The following QTMAN variants were observed in gnomAD, a reference collection of about 807,000 sequenced individuals.
QTMAN encodes tRNA-queuosine alpha-mannosyltransferase.
chr2:144,059,711 T>TC, the QTMAN span, among the ~76,000 whole-genome samples: 1 of 152,074 alleles, frequency 6.6e-6, no homozygotes, highest in Non-Finnish European at 1.5e-5. Flanking sequence ...GACAAGGCCA[T>TC]CCCCACCTTA....
At chr2:144,296,866 C>T in the QTMAN span, among the ~76,000 whole-genome samples, 1 of 151,956 alleles carries the variant, frequency 6.6e-6, no homozygotes, top group Admixed American at 6.6e-5. Context: ...AATGACAAAC[C>T]AAGAAAAAGA....
At chr2:144,140,498 A>C in the QTMAN span, among the ~76,000 whole-genome samples, 1 of 152,046 alleles carries the variant, frequency 6.6e-6, no homozygotes, top group Non-Finnish European at 1.5e-5. Context: ...AATCACAGGC[A>C]AAGTATAACT....
the QTMAN span, among the ~76,000 whole-genome samples, chr2:144,017,823 T>C: frequency 5.3e-5 from 8 of 152,352 alleles, no homozygotes; most frequent in African/African-American, 1.9e-4. Flanking sequence ...CAAGACTCCA[T>C]TGGCCCTTTC....
chr2:144,112,677 G>A, the QTMAN span, among the ~76,000 whole-genome samples: 5 of 152,194 alleles, frequency 3.3e-5, no homozygotes, highest in African/African-American at 9.6e-5. Context: ...CAGCTTTGCC[G>A]TGCTGTATCA....
the QTMAN span, among the ~76,000 whole-genome samples, chr2:144,064,513 C>T: frequency 1.3e-5 from 2 of 152,164 alleles, no homozygotes; most frequent in African/African-American, 4.8e-5. Flanking sequence ...CTCTGCCTGC[C>T]GTTTCTCTTC....
the QTMAN span, among the ~76,000 whole-genome samples, chr2:144,316,008 C>T: frequency 2.0e-5 from 3 of 152,242 alleles, no homozygotes; most frequent in African/African-American, 7.2e-5. Flanking sequence ...CTGACTCCAA[C>T]ACCCTACTGC....
the QTMAN span, among the ~76,000 whole-genome samples, chr2:143,969,558 C>T: frequency 3.2e-4 from 49 of 151,842 alleles, no homozygotes; most frequent in South Asian, 1.0e-3. Context: ...TGTGCATACG[C>T]GTGAAAGAGA....
chr2:144,043,227 T>TTGTGTG, the QTMAN span, among the ~76,000 whole-genome samples: 949 of 148,690 alleles, frequency 6.4e-3, 14 homozygotes, highest in African/African-American at 0.021. Flanking sequence ...ATGTGTGAAT[T>TTGTGTG]TGTGTGTGTG....
the QTMAN span, among the ~76,000 whole-genome samples, chr2:144,203,378 C>T: frequency 1.3e-5 from 2 of 152,110 alleles, no homozygotes; most frequent in African/African-American, 4.8e-5. Context: ...TTAAACAATC[C>T]TGTCAATCAG....
chr2:144,109,685 A>G, the QTMAN span, among the ~76,000 whole-genome samples: 6 of 151,960 alleles, frequency 3.9e-5, no homozygotes, highest in Non-Finnish European at 2.9e-5. Context: ...ACAATAACTC[A>G]AATTTACAAG....
At chr2:144,171,889 A>C in the QTMAN span, among the ~76,000 whole-genome samples, 1 of 152,184 alleles carries the variant, frequency 6.6e-6, no homozygotes, top group African/African-American at 2.4e-5. Context: ...ACTTCAAAAA[A>C]ATATCTTCAC....
At chr2:144,104,159 A>G in the QTMAN span, among the ~76,000 whole-genome samples, 1 of 152,166 alleles carries the variant, frequency 6.6e-6, no homozygotes, top group African/African-American at 2.4e-5. Flanking sequence ...GAATAGGTCC[A>G]GTCTACAGCT....
chr2:144,215,580 G>C, the QTMAN span, among the ~76,000 whole-genome samples: 5 of 152,110 alleles, frequency 3.3e-5, no homozygotes, highest in Admixed American at 6.5e-5. Flanking sequence ...GAGAAGCTGA[G>C]TGGTTTAATT....
At chr2:143,943,266 ATTAG>A in the QTMAN span, 1 of 152,254 alleles carries the variant, frequency 6.6e-6, no homozygotes, top group Non-Finnish European at 1.5e-5. Flanking sequence ...GGATAGGAGC[ATTAG>A]TTGTCTGTAT....
chr2:144,013,095 G>A, the QTMAN span, among the ~76,000 whole-genome samples: 1 of 152,024 alleles, frequency 6.6e-6, no homozygotes, highest in South Asian at 2.1e-4. Flanking sequence ...TGGTTTTGTG[G>A]GAAAACAAGT....
the QTMAN span, among the ~76,000 whole-genome samples, chr2:143,960,418 T>C: frequency 1.3e-5 from 2 of 152,100 alleles, no homozygotes; most frequent in African/African-American, 4.8e-5. Flanking sequence ...TAATCTAGGC[T>C]ACAGTCCAGG....
At chr2:144,240,025 T>C in the QTMAN span, among the ~76,000 whole-genome samples, 1 of 152,182 alleles carries the variant, frequency 6.6e-6, no homozygotes, top group Admixed American at 6.5e-5. Flanking sequence ...TTCATTTCAA[T>C]TTATTATTTT....
At chr2:144,058,657 T>C in the QTMAN span, among the ~76,000 whole-genome samples, 14 of 152,018 alleles carry the variant, frequency 9.2e-5, no homozygotes. Context: ...TCTAGAGACA[T>C]GTATTAAACT....
chr2:144,211,795 T>C, the QTMAN span, among the ~76,000 whole-genome samples: 2 of 152,156 alleles, frequency 1.3e-5, no homozygotes, highest in African/African-American at 4.8e-5. Flanking sequence ...ATGGTGGAAT[T>C]TGCTAAAATA....
Sources: allele counts gnomAD v4.1 joint callset (sites outside exome capture counted in the v4.1 genomes callset), GRCh38; gene constraint gnomAD v4.1.1; transcripts MANE v1.5; gene names NCBI Gene and HGNC (gene_info 2026-07-23, HGNC 2026-07-21).